Variants in EVC observed in about 807,000 individuals in gnomAD.
EVC encodes evC complex member EVC.
In EVC, 116 loss-of-function variants were observed where a neutral mutation model predicts 118.9. That is an observed-to-expected ratio of 0.98 (90% CI 0.84 to 1.14). The LOEUF is 1.14. Ranked by LOEUF, EVC falls within the 50% of genes most tolerant of loss-of-function variation. The pLI is 0.00. For missense variants in EVC, 1,401 were observed against 1,246.4 expected, an observed-to-expected ratio of 1.12 and a Z score of -1.87; for synonymous variants, 619 against 534.7, an observed-to-expected ratio of 1.16 and a Z score of -2.18.
intron 6 of EVC, among the ~76,000 whole-genome samples, chr4:5,744,998 G>A (rs1729143209): frequency 6.8e-6 from 1 of 148,122 alleles, no homozygotes; most frequent in African/African-American, 2.5e-5. Context: ...GGAGGATATA[G>A]AGGAAAATAA....
Position 5,719,359 on chromosome 4 carries a change from A to G in EVC, c.286A>G (p.Lys96Glu). ...GAGAGAAGTGCAGATGTCGAAGGAC[A>G]AGGAAGCTGTTGATGTAAGCTTGGT... is the stretch of plus-strand genomic sequence containing the variant. ...RKREVQMSKDKEAVDECEPPS... is the reference protein window; with the variant it reads ...RKREVQMSKDEEAVDECEPPS... Residue 96 changes from lysine (K) to glutamate (E), a missense_variant, in exon 2 of 21, where the codon AAG (lysine) becomes GAG (glutamate). Coordinates refer to ENST00000264956, the MANE Select transcript of EVC (RefSeq NM_153717.3). This position sits in a 1 kb window ranked among gnomAD's most constrained non-coding sequence, Gnocchi z 4.7. 1 of 1,614,192 alleles carries G rather than the reference A, an allele frequency of 6.2e-7. No homozygotes were observed. Among genetic ancestry groups the G allele is most frequent in the East Asian group, 2.2e-5 (1 of 44,876 alleles).
intron 11 of EVC, among the ~76,000 whole-genome samples, chr4:5,782,389 A>ATTTTTTT (rs71171482): frequency 2.5e-5 from 2 of 78,568 alleles, no homozygotes; most frequent in Non-Finnish European, 2.4e-5. Flanking sequence ...GTAAGGTTCC[A>ATTTTTTT]TTTTTTTTTT....
rs1243121626 is a variant in EVC at position 5,719,286 on chromosome 4, T to C, written c.213T>C (p.Ser71=). 2 of 1,614,054 alleles carry C rather than the reference T, an allele frequency of 1.2e-6. No homozygotes were observed. Among genetic ancestry groups the C allele is most frequent in the African/African-American group, 2.7e-5 (2 of 74,916 alleles). Residue 71 remains serine, a synonymous_variant, in exon 2 of 21, where the codon TCT becomes TCC. Coordinates refer to ENST00000264956, the MANE Select transcript of EVC (RefSeq NM_153717.3). This position sits in a 1 kb window ranked among gnomAD's most constrained non-coding sequence, Gnocchi z 4.7. ...AAAATCTGCTCAAGAATTTGGAGTC[T>C]AATGCGCAGACCCCCTCGGAAACTG... ...DTQNLLKNLE[S]NAQTPSETGS... is the part of the protein sequence containing the mutation.
intron 6 of EVC, among the ~76,000 whole-genome samples, chr4:5,744,944 T>C (rs1332605787): frequency 1.3e-5 from 2 of 151,254 alleles, no homozygotes; most frequent in East Asian, 3.9e-4. Flanking sequence ...GATACTATTT[T>C]ATTGATTTTT....
In EVC at chr4:5,755,375, C is replaced by T. The variant is rs576435237; in HGVS notation, c.1465-889C>T. On this transcript the variant is annotated intron_variant, in intron 10 of 20. Transcript: ENST00000264956. The surrounding 1 kb of genome is among the most constrained non-coding windows in gnomAD (Gnocchi z 4.1). ...ACGCAGGCAGGGAAGGGTGAATGAGCGCATGCGTGCCTGAATGAACCAGGA... is the reference window on the plus strand; with the variant it reads ...ACGCAGGCAGGGAAGGGTGAATGAGTGCATGCGTGCCTGAATGAACCAGGA... 5.9e-5 allele frequency among the ~76,000 whole-genome samples: 9 copies of T among 152,102 alleles called. No homozygotes were observed. Among genetic ancestry groups the T allele is most frequent in the East Asian group, 1.9e-4 (1 of 5,134 alleles).
rs1716893845 is a variant in EVC at position 5,811,421 on chromosome 4, A to G, written c.*384A>G. ...TCTGGGCCCATCTGGGGCTGAGGAC[A>G]CACAGATACATAATGACACCTGCAG... On this transcript the variant is annotated 3_prime_UTR_variant, in exon 21 of 21. Coordinates refer to ENST00000264956, the MANE Select transcript of EVC (RefSeq NM_153717.3). 1 of 298,990 alleles carries G rather than the reference A, an allele frequency of 3.3e-6. No individual in the cohort carries two copies. Among genetic ancestry groups the G allele is most frequent in the Non-Finnish European group, 6.4e-6 (1 of 155,812 alleles). 18.5% of individuals were successfully genotyped at this position (298,990 alleles called of 1,614,324 possible).
intron 2 of EVC, among the ~76,000 whole-genome samples, chr4:5,725,338 C>G (rs1197446213): frequency 1.3e-5 from 2 of 152,206 alleles, no homozygotes; most frequent in African/African-American, 4.8e-5. Context: ...ACATTCCCAC[C>G]AACAGTGTAA....
At chr4:5,817,028 G>A (rs1270816713), downstream of EVC, among the ~76,000 whole-genome samples, 1 of 152,224 alleles carries the variant, frequency 6.6e-6, no homozygotes, top group African/African-American at 2.4e-5. Flanking sequence ...GGCAGGTTGG[G>A]AGAAGGAATC....
At chr4:5,825,555 C>A in the EVC span, 1 of 1,595,702 alleles carries the variant, frequency 6.3e-7, no homozygotes, top group Non-Finnish European at 8.5e-7. This position sits in a 1 kb window ranked among gnomAD's most constrained non-coding sequence, Gnocchi z 4.4. Flanking sequence ...GTTTAGAAGG[C>A]GAAGATTTGG....
rs1714427520 is a variant in EVC, at chr4:5,798,700, CA to C, written c.2213del (p.Gln738ArgfsTer34). 1 of 1,608,942 alleles carries C rather than the reference CA, an allele frequency of 6.2e-7. No individual in the cohort carries two copies. Among genetic ancestry groups the C allele is most frequent in the Admixed American group, 1.7e-5 (1 of 59,676 alleles). ...CCAGGAGGTGGGGCAGCTTCTGCAG[CA>C]GCACATGGAGTGCGCCATTGGGCAG... ...EAQEVGQLLQ[Q>X]HMECAIGQAL... On this transcript the variant is annotated frameshift_variant, in exon 15 of 21. Coordinates refer to ENST00000264956, the MANE Select transcript of EVC (RefSeq NM_153717.3). LOFTEE classifies it high-confidence loss of function. The surrounding 1 kb of genome is among the most constrained non-coding windows in gnomAD (Gnocchi z 4.1).
intron 8 of EVC, among the ~76,000 whole-genome samples, chr4:5,748,666 CTCCATCCA>C (rs1158674565): frequency 6.4e-5 from 5 of 78,340 alleles, no homozygotes; most frequent in African/African-American, 2.8e-4. Flanking sequence ...CCATCCATCC[CTCCATCCA>C]TCCATCCACC....
At chr4:5,815,826 C>T (rs1001000301), downstream of EVC, among the ~76,000 whole-genome samples, 2 of 152,166 alleles carry the variant, frequency 1.3e-5, no homozygotes, top group African/African-American at 2.4e-5. Flanking sequence ...CGGCCACATG[C>T]CACCTGGCAT....
chr4:5,757,580 C>T (rs79624592), intron 11 of EVC, among the ~76,000 whole-genome samples: 2 of 152,196 alleles, frequency 1.3e-5, no homozygotes, highest in African/African-American at 2.4e-5. Context: ...GCCTCTCTTC[C>T]GGGCTTGCAG....
At chr4:5,782,906 G>T (rs1489331958) in intron 11 of EVC, among the ~76,000 whole-genome samples, 1 of 152,184 alleles carries the variant, frequency 6.6e-6, no homozygotes, top group Non-Finnish European at 1.5e-5. Context: ...CCCAGGGGAG[G>T]CCCTAATGAT....
chr4:5,782,329 C>T (rs934981174), intron 11 of EVC, among the ~76,000 whole-genome samples: 7 of 151,676 alleles, frequency 4.6e-5, no homozygotes, highest in Non-Finnish European at 1.0e-4. Flanking sequence ...CCCACCTCAG[C>T]CTCCCAAAGT....
chr4:5,784,294 T>A (rs1282035927), intron 12 of EVC, among the ~76,000 whole-genome samples: 1 of 152,008 alleles, frequency 6.6e-6, no homozygotes, highest in Non-Finnish European at 1.5e-5. Flanking sequence ...ATTGCAAGGG[T>A]TCTTACAGGA....
At chr4:5,824,912 C>G in the EVC span, 1 of 985,398 alleles carries the variant, frequency 1.0e-6, no homozygotes, top group Non-Finnish European at 1.2e-6. Flanking sequence ...CAGGAGGGAT[C>G]AGGTCAACAT....
At chr4:5,828,687 T>G in the EVC span, 1 of 1,610,788 alleles carries the variant, frequency 6.2e-7, no homozygotes, top group African/African-American at 1.3e-5. Context: ...ACAGCCTCAG[T>G]GTTACTTCCC....
rs1366876066 is a variant in EVC at position 5,797,921 on chromosome 4, T to A, written c.2098-665T>A. Among the ~76,000 whole-genome samples, 8 of 152,232 alleles carry A rather than the reference T, an allele frequency of 5.3e-5. No individual in the cohort carries two copies. The South Asian group carries it at 1.4e-3, about 28-fold the overall frequency. ...ATAACAGATCGAAAGAAATAATTAG[T>A]AAGTTGTAGAGCTGGGAGTTACACC... On this transcript the variant is annotated intron_variant, in intron 14 of 20. Coordinates refer to ENST00000264956, the MANE Select transcript of EVC (RefSeq NM_153717.3).
Sources: allele counts gnomAD v4.1 joint callset (sites outside exome capture counted in the v4.1 genomes callset), GRCh38; gene constraint gnomAD v4.1.1; non-coding constraint Gnocchi (gnomAD v3.1); transcripts MANE v1.5; gene names NCBI Gene and HGNC (gene_info 2026-07-23, HGNC 2026-07-21).